MID1: variants seen among roughly 807,000 people sequenced by gnomAD.
MID1 encodes the protein midline 1, also known as E3 ubiquitin-protein ligase Midline-1.
MID1 carries 7 observed loss-of-function variants against 40.4 expected under a neutral mutation model. The ratio of observed to expected loss-of-function variants is 0.17; its 90% CI spans 0.10 to 0.33. The LOEUF (loss-of-function observed/expected upper bound fraction) is 0.33, where lower values mean the gene tolerates loss of function less well. MID1 is among the 10% of genes least tolerant of loss of function. MID1 has a pLI of 1.00. For missense variants in MID1, 367 were observed against 558.5 expected (o/e 0.66, Z 3.46); for synonymous variants, 229 against 221.2 (o/e 1.04, Z -0.31).
At chrX:10,570,989 CACTT>C (rs79126500) in intron 1 of MID1, among the ~76,000 whole-genome samples, 38,111 of 111,160 alleles carry the variant, frequency 0.34, 5,587 homozygotes, top group Non-Finnish European at 0.47. Context: ...CTTGAACAAG[CACTT>C]ACAAGTTTCC....
chrX:10,726,347 T>G (rs1159041042), intron 1 of MID1, among the ~76,000 whole-genome samples: 1 of 111,994 alleles, frequency 8.9e-6, no homozygotes, highest in Non-Finnish European at 1.9e-5. Context: ...CAGTAAACAT[T>G]TAATCTAAAT....
chrX:10,583,893 C>T (rs778719575), intron 1 of MID1, among the ~76,000 whole-genome samples: 24 of 110,188 alleles, frequency 2.2e-4, no homozygotes, highest in South Asian at 1.6e-3. Context: ...TAGCTGGGCA[C>T]GGTGGCAGAC....
intron 2 of MID1, among the ~76,000 whole-genome samples, chrX:10,545,026 G>A (rs778110825): frequency 3.8e-4 from 42 of 110,543 alleles, no homozygotes; most frequent in Admixed American, 1.6e-3. Flanking sequence ...GTGTGATCTC[G>A]GCTCACTGCA....
chrX:10,670,222 A>G (rs1039863342), intron 1 of MID1, among the ~76,000 whole-genome samples: 2 of 112,587 alleles, frequency 1.8e-5, no homozygotes, highest in African/African-American at 6.5e-5. Flanking sequence ...TACACAAATT[A>G]AAAAGCAAAC....
intron 1 of MID1, among the ~76,000 whole-genome samples, chrX:10,770,259 C>T (rs1232660061): frequency 8.9e-6 from 1 of 112,201 alleles, no homozygotes; most frequent in Non-Finnish European, 1.9e-5. Flanking sequence ...AGGTTGATCC[C>T]ATTCATGTAA....
chrX:10,513,863 C>A (rs1216701354), intron 3 of MID1, among the ~76,000 whole-genome samples: 1 of 112,081 alleles, frequency 8.9e-6, no homozygotes, highest in Non-Finnish European at 1.9e-5. Flanking sequence ...TTCTTTATAT[C>A]ATGCCAGAAA....
At chrX:10,489,389 T>C (rs1280716486) in intron 4 of MID1, among the ~76,000 whole-genome samples, 1 of 112,475 alleles carries the variant, frequency 8.9e-6, no homozygotes, top group Non-Finnish European at 1.9e-5. Context: ...ATATAATCAA[T>C]TTTGAGTAAA....
chrX:10,450,793 C>G (rs1265097031), intron 9 of MID1, among the ~76,000 whole-genome samples: 1 of 112,327 alleles, frequency 8.9e-6, no homozygotes, highest in African/African-American at 3.2e-5. Flanking sequence ...GCATCTTAAT[C>G]TCTTTTTACC....
intron 2 of MID1, among the ~76,000 whole-genome samples, chrX:10,554,658 T>C (rs1278220663): frequency 9.0e-6 from 1 of 111,569 alleles, no homozygotes; most frequent in Non-Finnish European, 1.9e-5. Context: ...CCTTGTTTGC[T>C]GGGACCCTCT....
chrX:10,707,767 T>C (rs1482084552), intron 1 of MID1, among the ~76,000 whole-genome samples: 1 of 112,311 alleles, frequency 8.9e-6, no homozygotes, highest in African/African-American at 3.2e-5. Flanking sequence ...GAATGTGCTT[T>C]GCGGCCCAGA....
intron 1 of MID1, among the ~76,000 whole-genome samples, chrX:10,668,790 G>A (rs2042966357): frequency 8.9e-6 from 1 of 112,373 alleles, no homozygotes; most frequent in Non-Finnish European, 1.9e-5. Flanking sequence ...CCTTTGTATT[G>A]GTAAGTCATT....
At chrX:10,557,014 T>C (rs1003385535) in intron 2 of MID1, among the ~76,000 whole-genome samples, 1 of 111,983 alleles carries the variant, frequency 8.9e-6, no homozygotes, top group Admixed American at 9.5e-5. Context: ...AGGGAATTAG[T>C]GAGCCCATTA....
At chrX:10,549,975 CT>C (rs1385249515) in intron 2 of MID1, among the ~76,000 whole-genome samples, 3 of 112,774 alleles carry the variant, frequency 2.7e-5, no homozygotes, top group African/African-American at 9.7e-5. Flanking sequence ...TATTCCAAGT[CT>C]CTGACTTGAG....
In MID1 at chrX:10,650,995, A is replaced by C. The variant is rs184773213; in HGVS notation, c.-186-30576T>G. 3.6e-3 allele frequency among the ~76,000 whole-genome samples: 398 copies of C among 111,747 alleles called. 5 individuals carry two copies. The highest frequency in any genetic ancestry group is 0.012 in the African/African-American group (380 of 30,746). On this transcript the variant is annotated intron_variant, in intron 1 of 10. Transcript: ENST00000380785. ...GTAGATGTGTTAGTCAGGGTAAGTG[A>C]ATCTAGCTGCACAAGAAAAGATCCC...
rs763315492 is a variant in MID1 at position 10,510,767 on chromosome X, G to C, written c.756+12325C>G. 1.6e-4 allele frequency among the ~76,000 whole-genome samples: 16 copies of C among 100,805 alleles called. No homozygotes were observed. The East Asian group carries it at 4.0e-3, about 25-fold the overall frequency. The allele number at this position is 100,805 out of a possible 115,157, so 87.5% of individuals were successfully genotyped here. ...GAATTGCTTGAACCCAGGAGGCAGA[G>C]GTTGCAGTGAGCCGAGATCACGCCA... On this transcript the variant is annotated intron_variant, in intron 3 of 9. Transcript: ENST00000317552.
intron 1 of MID1, among the ~76,000 whole-genome samples, chrX:10,739,207 T>A (rs760480971): frequency 3.6e-5 from 4 of 111,459 alleles, no homozygotes; most frequent in South Asian, 7.5e-4. Flanking sequence ...GGAAGGGCAG[T>A]TGGGGAGATG....
intron 1 of MID1, among the ~76,000 whole-genome samples, chrX:10,812,157 G>A (rs1273118677): frequency 8.9e-6 from 1 of 111,932 alleles, no homozygotes. Context: ...ATTTGGCCAT[G>A]AGGAAGTCAT....
chrX:10,507,424 T>C (rs940002721), intron 3 of MID1, among the ~76,000 whole-genome samples: 2 of 112,522 alleles, frequency 1.8e-5, no homozygotes, highest in Non-Finnish European at 3.8e-5. Context: ...GCAGGCCTCA[T>C]TGGCATAGTT....
intron 1 of MID1, among the ~76,000 whole-genome samples, chrX:10,588,770 C>G (rs1489497615): frequency 9.0e-6 from 1 of 110,601 alleles, no homozygotes; most frequent in African/African-American, 3.3e-5. Flanking sequence ...GATCTAAAAC[C>G]AGCTGTAACT....
Sources: gnomAD v4.1 joint callset for allele counts (sites outside exome capture counted in the v4.1 genomes callset) on GRCh38, gnomAD v4.1.1 for gene constraint, MANE v1.5 for transcripts, NCBI Gene and HGNC (gene_info 2026-07-23, HGNC 2026-07-21) for gene names.